MACROD2: variants seen among roughly 807,000 people sequenced by gnomAD.
MACROD2 encodes the protein mono-ADP ribosylhydrolase 2.
A neutral mutation model predicts 70.4 loss-of-function variants in MACROD2; 36 were observed. The observed-to-expected ratio is 0.51, with a 90% CI of 0.39 to 0.68. The LOEUF (loss-of-function observed/expected upper bound fraction) is 0.68. Among genes scored for constraint, MACROD2 ranks in the 30% least tolerant of loss-of-function variants. The pLI, the probability that MACROD2 is intolerant of heterozygous loss-of-function variation, is 0.00. For synonymous variants in MACROD2, 172 were observed against 178.8 expected, an observed-to-expected ratio of 0.96 and a Z score of 0.30; for missense variants, 496 against 538.4, an observed-to-expected ratio of 0.92 and a Z score of 0.78.
At chr20:15,830,822 C>T (rs2064047525) in intron 8 of MACROD2, among the ~76,000 whole-genome samples, 1 of 152,142 alleles carries the variant, frequency 6.6e-6, no homozygotes, top group African/African-American at 2.4e-5. Context: ...AAACAAAAAA[C>T]ACCATACAAA....
intron 5 of MACROD2, among the ~76,000 whole-genome samples, chr20:14,811,526 A>T (rs946466704): frequency 3.9e-5 from 6 of 152,160 alleles, no homozygotes; most frequent in Non-Finnish European, 8.8e-5. Context: ...ATGGGCAAAG[A>T]CTTCATGACT....
chr20:14,240,698 A>G (rs931022785), intron 3 of MACROD2, among the ~76,000 whole-genome samples: 1 of 152,184 alleles, frequency 6.6e-6, no homozygotes, highest in African/African-American at 2.4e-5. Flanking sequence ...TGAGGGCAGA[A>G]GGAGGGAGGA....
intron 5 of MACROD2, among the ~76,000 whole-genome samples, chr20:14,696,873 C>T (rs767917742): frequency 5.3e-5 from 8 of 152,106 alleles, no homozygotes; most frequent in Non-Finnish European, 1.2e-4. Flanking sequence ...TATTGTCCTT[C>T]CGTACTGGGC....
chr20:15,582,597 T>G (rs967531980), intron 8 of MACROD2, among the ~76,000 whole-genome samples: 1 of 152,232 alleles, frequency 6.6e-6, no homozygotes, highest in Non-Finnish European at 1.5e-5. Context: ...GCACGACTCA[T>G]GTAGTCTACC....
intron 5 of MACROD2, among the ~76,000 whole-genome samples, chr20:15,000,345 C>T (rs1292036530): frequency 6.9e-5 from 9 of 130,764 alleles, no homozygotes; most frequent in Admixed American, 2.3e-4. Flanking sequence ...TAGAAACGGC[C>T]GGGCGCGGTG....
chr20:14,769,472 C>T (rs2072136653), intron 5 of MACROD2, among the ~76,000 whole-genome samples: 1 of 152,028 alleles, frequency 6.6e-6, no homozygotes, highest in African/African-American at 2.4e-5. Context: ...ATTATTTATA[C>T]AAATTTCTCC....
chr20:14,900,250 G>A (rs1442669104), intron 5 of MACROD2, among the ~76,000 whole-genome samples: 4 of 152,082 alleles, frequency 2.6e-5, no homozygotes, highest in Non-Finnish European at 4.4e-5. Flanking sequence ...TATATTCATA[G>A]GGGATATTAG....
chr20:14,611,480 G>T (rs558098463), intron 4 of MACROD2, among the ~76,000 whole-genome samples: 38 of 148,742 alleles, frequency 2.6e-4, no homozygotes, highest in African/African-American at 7.4e-4. Context: ...TTTGGCGGGG[G>T]GTCATATTTG....
intron 5 of MACROD2, among the ~76,000 whole-genome samples, chr20:14,742,312 G>C (rs1377841869): frequency 1.3e-5 from 2 of 152,112 alleles, no homozygotes; most frequent in African/African-American, 2.4e-5. Flanking sequence ...CTGAGAAACA[G>C]AGCTTTCTTC....
intron 10 of MACROD2, among the ~76,000 whole-genome samples, chr20:15,917,694 A>G (rs1333588570): frequency 6.6e-6 from 1 of 152,226 alleles, no homozygotes; most frequent in African/African-American, 2.4e-5. Context: ...AGCAAGTGAA[A>G]TCAAAATTGT....
At chr20:14,552,883 GA>G (rs1175002844) in intron 4 of MACROD2, among the ~76,000 whole-genome samples, 1 of 152,138 alleles carries the variant, frequency 6.6e-6, no homozygotes, top group Non-Finnish European at 1.5e-5. Flanking sequence ...ATGAGTCAGT[GA>G]GTTAGTGGTG....
chr20:14,151,912 C>T (rs902284826), intron 3 of MACROD2, among the ~76,000 whole-genome samples: 3 of 150,736 alleles, frequency 2.0e-5, no homozygotes, highest in Admixed American at 6.6e-5. Flanking sequence ...AGCTCTGCCC[C>T]CCGGGTTCAT....
chr20:14,374,172 A>G (rs756584448), intron 3 of MACROD2, among the ~76,000 whole-genome samples: 3 of 152,186 alleles, frequency 2.0e-5, no homozygotes, highest in Middle Eastern at 3.2e-3. Flanking sequence ...TTAGAGCTTA[A>G]TGTATTGATT....
chr20:15,943,962 T>C (rs1179345948), intron 12 of MACROD2, among the ~76,000 whole-genome samples: 1 of 152,130 alleles, frequency 6.6e-6, no homozygotes, highest in East Asian at 1.9e-4. Flanking sequence ...TTAACAATAA[T>C]ACTGTGAATA....
At chr20:15,824,929 A>G (rs1230515677) in intron 8 of MACROD2, among the ~76,000 whole-genome samples, 1 of 152,224 alleles carries the variant, frequency 6.6e-6, no homozygotes, top group East Asian at 1.9e-4. Context: ...TTGATGCCAA[A>G]TAAGTATAAA....
intron 5 of MACROD2, among the ~76,000 whole-genome samples, chr20:15,068,029 C>T (rs545715520): frequency 1.3e-5 from 2 of 152,278 alleles, no homozygotes; most frequent in African/African-American, 4.8e-5. Context: ...TTTCGTTCCT[C>T]TTTTTCTTCC....
intron 3 of MACROD2, among the ~76,000 whole-genome samples, chr20:14,415,317 T>C (rs556282855): frequency 2.0e-4 from 30 of 150,244 alleles, no homozygotes; most frequent in Middle Eastern, 3.4e-3. Flanking sequence ...TTCATTTTTA[T>C]CAATCTAACA....
intron 4 of MACROD2, among the ~76,000 whole-genome samples, chr20:14,601,068 T>C (rs1446966807): frequency 1.3e-5 from 2 of 152,002 alleles, no homozygotes; most frequent in African/African-American, 4.8e-5. Context: ...CACTGAGTTA[T>C]AGAGAGTTAA....
At chr20:15,467,417 A>G (rs2046908150) in intron 7 of MACROD2, among the ~76,000 whole-genome samples, 1 of 152,226 alleles carries the variant, frequency 6.6e-6, no homozygotes, top group South Asian at 2.1e-4. Context: ...GGAAGAGCCA[A>G]ACTAAGACAG....
Sources: gnomAD v4.1 joint callset for allele counts (sites outside exome capture counted in the v4.1 genomes callset) on GRCh38, gnomAD v4.1.1 for gene constraint, MANE v1.5 for transcripts, NCBI Gene and HGNC (gene_info 2026-07-23, HGNC 2026-07-21) for gene names.